The following FLRT1 variants were observed in gnomAD, a reference collection of about 807,000 sequenced individuals.
FLRT1 encodes the protein fibronectin leucine rich transmembrane protein 1, also known as leucine-rich repeat transmembrane protein FLRT1.
FLRT1 carries 14 observed loss-of-function variants against 30.9 expected under a neutral mutation model. The ratio of observed to expected loss-of-function variants is 0.45; its 90% CI spans 0.30 to 0.71. The LOEUF (loss-of-function observed/expected upper bound fraction) is 0.71, where lower values mean the gene tolerates loss of function less well. Ranked by LOEUF, FLRT1 falls within the 30% of genes least tolerant of loss-of-function variation. The pLI, the probability that FLRT1 is intolerant of heterozygous loss-of-function variation, is 0.08. For missense variants in FLRT1, 737 were observed against 949.2 expected (o/e 0.78, Z 2.94); for synonymous variants, 368 against 430.4 (o/e 0.85, Z 1.80).
At chr11:64,047,580 C>T (rs1337139378) in intron 1 of FLRT1, among the ~76,000 whole-genome samples, 1 of 152,074 alleles carries the variant, frequency 6.6e-6, no homozygotes, top group African/African-American at 2.4e-5. Flanking sequence ...CTCCATTTTA[C>T]AGATGAGGAA....
chr11:64,112,706 C>T (rs1308645901), intron 2 of FLRT1, among the ~76,000 whole-genome samples: 1 of 152,134 alleles, frequency 6.6e-6, no homozygotes. Context: ...AGGCAGAGAG[C>T]ACAGCACTTG....
Position 64,117,715 on chromosome 11 carries a change from C to T in FLRT1, c.1448C>T (p.Thr483Ile). 2 of 1,613,670 alleles carry T rather than the reference C, an allele frequency of 1.2e-6. No individual in the cohort carries two copies. Among genetic ancestry groups the T allele is most frequent in the Non-Finnish European group, 8.5e-7 (1 of 1,179,910 alleles). ...CCAGCCGTGGGCTCCATCACGGAGA[C>T]CTTGGTGCAGGGGGACAAGACAGAG... is the stretch of plus-strand genomic sequence containing the variant. ...HSPAVGSITE[T>I]LVQGDKTEYL... The change falls in exon 3 of 3, where the codon ACC becomes ATC. Residue 483 changes from threonine (T) to isoleucine (I), a missense_variant. By Grantham distance (89) the Thr-to-Ile change is moderately conservative. Coordinates refer to ENST00000682287, the MANE Select transcript of FLRT1 (RefSeq NM_013280.5).
Position 64,060,570 on chromosome 11 carries a change from T to TG in FLRT1, c.-1038+24414dup, listed in dbSNP as rs1356184722. On this transcript the variant is annotated intron_variant, in intron 1 of 2. Coordinates refer to ENST00000682287, the MANE Select transcript of FLRT1 (RefSeq NM_013280.5). Reference sequence around the variant, plus strand: ...AGCAGGCCCCAGCCTGGAGATACGCTGGGCAGTGGCCTCCCATGCGCGCAC... The same window carrying TG: ...AGCAGGCCCCAGCCTGGAGATACGCTGGGGCAGTGGCCTCCCATGCGCGCAC... 3 of 152,228 alleles carry TG rather than the reference T, an allele frequency of 2.0e-5. No individual in the cohort carries two copies. In the South Asian group the frequency reaches 6.2e-4, roughly 32 times the overall value. The allele number at this position is 152,228 out of a possible 1,614,324, so 9.4% of individuals were successfully genotyped here.
chr11:64,098,533 C>G (rs1944617901), intron 1 of FLRT1, among the ~76,000 whole-genome samples: 1 of 152,234 alleles, frequency 6.6e-6, no homozygotes, highest in African/African-American at 2.4e-5. Flanking sequence ...CCCCAGACTG[C>G]TCTCTGCAAT....
rs776364527 is a variant in FLRT1, at chr11:64,116,226, G to A, written c.-42G>A. On this transcript the variant is annotated 5_prime_UTR_variant, in exon 3 of 3. Transcript: ENST00000682287. ...GTCCTGTGCTCCTTGCAGGTATTCA[G>A]GCTCCAGGCCAGGTGGGGCCGGACG... 4 of 1,563,550 alleles carry A rather than the reference G, an allele frequency of 2.6e-6. No homozygotes were observed. In the Admixed American group the frequency reaches 7.0e-5, roughly 27 times the overall value.
rs1943672399 is a variant in FLRT1 at position 64,050,471 on chromosome 11, C to T, written c.-1038+14312C>T. Among the ~76,000 whole-genome samples the T allele has an allele frequency of 2.0e-5, 3 of 152,220 alleles. No homozygotes were observed. The South Asian group carries it at 6.2e-4, about 32-fold the overall frequency. Reference sequence around the variant, plus strand: ...GCCCGGGCACTGCTTCCACTCTGCCCCTTCCTGGCTGTGTGGCCATGGATG... The same window carrying T: ...GCCCGGGCACTGCTTCCACTCTGCCTCTTCCTGGCTGTGTGGCCATGGATG... On this transcript the variant is annotated intron_variant, in intron 1 of 2. Transcript: ENST00000682287.
intron 1 of FLRT1, among the ~76,000 whole-genome samples, chr11:64,048,132 C>T (rs1401821642): frequency 2.0e-5 from 3 of 152,194 alleles, no homozygotes; most frequent in African/African-American, 7.2e-5. Context: ...CAGGGCCGGG[C>T]AGGGGCCCTG....
intron 1 of FLRT1, among the ~76,000 whole-genome samples, chr11:64,097,359 T>C (rs367601046): frequency 6.6e-6 from 1 of 152,096 alleles, no homozygotes; most frequent in South Asian, 2.1e-4. Flanking sequence ...GCTGCCCACA[T>C]GTGAAGGGAA....
chr11:64,094,825 G>A (rs919472371), intron 1 of FLRT1, among the ~76,000 whole-genome samples: 2 of 152,250 alleles, frequency 1.3e-5, no homozygotes, highest in African/African-American at 4.8e-5. Flanking sequence ...CAGGGGAACT[G>A]AGGCTGAAGC....
chr11:64,095,984 C>CA (rs5792311), intron 1 of FLRT1, among the ~76,000 whole-genome samples: 131,904 of 152,174 alleles, frequency 0.87, 57,735 homozygotes, highest in South Asian at 0.93. Context: ...CCCCACCCCC[C>CA]AGGGGCCCAT....
At position 64,117,651 on chromosome 11, in the gene FLRT1, T is replaced by A. The variant is rs766449617; in HGVS notation, c.1384T>A (p.Ser462Thr). The change falls in exon 3 of 3, where the codon TCC (serine) becomes ACC (threonine). Residue 462 changes from serine to threonine, a missense_variant. Transcript: ENST00000682287. ...RITWKATLPASSFRLSWLRLG... is the reference protein window; with the variant it reads ...RITWKATLPATSFRLSWLRLG... ...CACGTGGAAGGCCACGCTCCCCGCCTCCTCTTTCCGGCTCAGTTGGCTGCG... is the reference window on the plus strand; with the variant it reads ...CACGTGGAAGGCCACGCTCCCCGCCACCTCTTTCCGGCTCAGTTGGCTGCG... 6.2e-7 allele frequency: 1 copy of A among 1,613,724 alleles called. No homozygotes were observed. The highest frequency in any genetic ancestry group is 8.5e-7 in the Non-Finnish European group (1 of 1,180,030).
chr11:64,099,773 T>C (rs955019678), intron 1 of FLRT1, among the ~76,000 whole-genome samples: 8 of 145,522 alleles, frequency 5.5e-5, no homozygotes, highest in East Asian at 2.1e-4. Flanking sequence ...GAGAGATGGA[T>C]AGGTGAATGG....
rs770157471 is a variant in FLRT1 at position 64,118,198 on chromosome 11, G to A, written c.1931G>A (p.Ser644Asn). 1 of 1,612,982 alleles carries A rather than the reference G, an allele frequency of 6.2e-7. No individual in the cohort carries two copies. Among genetic ancestry groups the A allele is most frequent in the Admixed American group, 1.7e-5 (1 of 60,022 alleles). The change falls in exon 3 of 3, where the codon AGC becomes AAC. Residue 644 changes from serine to asparagine, a missense_variant. Coordinates refer to ENST00000682287, the MANE Select transcript of FLRT1 (RefSeq NM_013280.5). ...VVHTIFPSNG[S>N]SLCKATHTIG... is the part of the protein sequence containing the mutation. ...CACACTATCTTCCCCTCCAACGGCA[G>A]CAGCCTCTGCAAGGCCACACACACC...
intron 1 of FLRT1, among the ~76,000 whole-genome samples, chr11:64,065,339 G>C (rs1308132315): frequency 6.6e-6 from 1 of 152,208 alleles, no homozygotes; most frequent in African/African-American, 2.4e-5. Flanking sequence ...TTTGTTCTGA[G>C]GGCGGCTGGG....
At chr11:64,062,096 T>C (rs1394215596) in intron 1 of FLRT1, among the ~76,000 whole-genome samples, 1 of 151,922 alleles carries the variant, frequency 6.6e-6, no homozygotes, top group Non-Finnish European at 1.5e-5. Flanking sequence ...GGGGGATGTC[T>C]GCTTAGCTGT....
intron 1 of FLRT1, among the ~76,000 whole-genome samples, chr11:64,079,306 G>A (rs1359320655): frequency 6.6e-6 from 1 of 152,188 alleles, no homozygotes; most frequent in South Asian, 2.1e-4. Flanking sequence ...AGATGCCTCT[G>A]GGAATGAGAC....
chr11:64,095,376 G>T (rs985464837), intron 1 of FLRT1, among the ~76,000 whole-genome samples: 2 of 152,198 alleles, frequency 1.3e-5, no homozygotes, highest in African/African-American at 2.4e-5. Context: ...GGCCGCCTGG[G>T]CCGAGCGCAC....
Position 64,117,413 on chromosome 11 carries a change from G to A in FLRT1, c.1146G>A (p.Gly382=), listed in dbSNP as rs770929302. Residue 382 remains glycine (G), a synonymous_variant, in exon 3 of 3, where the codon GGG becomes GGA. Coordinates refer to ENST00000682287, the MANE Select transcript of FLRT1 (RefSeq NM_013280.5). ...TSEMDECFET[G]PQGGVANAAA... is the part of the protein sequence containing the mutation. ...AGATGGACGAGTGTTTTGAGACGGG[G>A]CCGCAGGGCGGCGTGGCCAATGCGG... 4.3e-6 allele frequency: 7 copies of A among 1,612,218 alleles called. No individual in the cohort carries two copies. Among genetic ancestry groups the A allele is most frequent in the Non-Finnish European group, 5.9e-6 (7 of 1,178,664 alleles).
At chr11:64,077,561 C>T (rs1367437542) in intron 1 of FLRT1, among the ~76,000 whole-genome samples, 3 of 152,154 alleles carry the variant, frequency 2.0e-5, no homozygotes, top group Non-Finnish European at 4.4e-5. Context: ...GGGGGGGTCC[C>T]TCACTCCCAG....
Sources: allele counts gnomAD v4.1 joint callset (sites outside exome capture counted in the v4.1 genomes callset), GRCh38; gene constraint gnomAD v4.1.1; transcripts MANE v1.5; gene names NCBI Gene and HGNC (gene_info 2026-07-23, HGNC 2026-07-21).